The following EVC variants were observed in gnomAD, a reference collection of about 807,000 sequenced individuals.
The protein encoded by EVC is evC complex member EVC.
In EVC, 116 loss-of-function variants were observed where a neutral mutation model predicts 118.9. The ratio of observed to expected loss-of-function variants is 0.98; its 90% confidence interval spans 0.84 to 1.14. The LOEUF is 1.14. EVC is among the 50% of genes most tolerant of loss of function. The pLI, the probability that EVC is intolerant of heterozygous loss-of-function variation, is 0.00. For missense variants in EVC, 1,401 were observed against 1,246.4 expected, an observed-to-expected ratio of 1.12 and a Z score of -1.87; for synonymous variants, 619 against 534.7, an observed-to-expected ratio of 1.16 and a Z score of -2.18.
intron 11 of EVC, among the ~76,000 whole-genome samples, 189 bp from the exon 12 acceptor site, chr4:5,783,363 G>A (rs1735923699): frequency 1.3e-5 from 2 of 148,926 alleles, no homozygotes; most frequent in African/African-American, 4.9e-5. Flanking sequence ...GTGTACAAGT[G>A]TGTGTGCATG....
Position 5,748,319 on chromosome 4 carries a change from G to C in EVC, c.1098+13G>C, listed in dbSNP as rs761463466. The C allele has an allele frequency of 3.7e-6, 6 of 1,613,852 alleles. No homozygotes were observed. In the Admixed American group the frequency reaches 8.3e-5, roughly 22 times the overall value. On this transcript the variant is annotated intron_variant, in intron 8 of 20. Transcript: ENST00000264956. ...GCTGCAGGCTCTGGTAATGCTGGAG[G>C]GGGCGGGAGGGAACATAAAGATATT...
chr4:5,821,071 C>T, the EVC span: 1 of 152,420 alleles, frequency 6.6e-6, no homozygotes, highest in South Asian at 2.1e-4. This position sits in a 1 kb window ranked among gnomAD's most constrained non-coding sequence, Gnocchi z 4.4. Context: ...AGAACACACA[C>T]AGACCAGAAG....
rs747550460 is a variant in EVC at position 5,789,643 on chromosome 4, A to G, written c.1777-3965A>G. Among the ~76,000 whole-genome samples the G allele has an allele frequency of 6.6e-6, 1 of 152,206 alleles. No homozygotes were observed. Among genetic ancestry groups the G allele is most frequent in the Non-Finnish European group, 1.5e-5 (1 of 68,038 alleles). ...AGAGTAAAACTTACTTGAGGCCACA[A>G]AATGACCTGGTAGCAATGACCAGCA... On this transcript the variant is annotated intron_variant, in intron 12 of 20. Coordinates refer to ENST00000264956, the MANE Select transcript of EVC (RefSeq NM_153717.3). This position sits in a 1 kb window ranked among gnomAD's most constrained non-coding sequence, Gnocchi z 4.3.
chr4:5,752,532 C>A (rs3774869), intron 8 of EVC: 173,889 of 473,578 alleles, frequency 0.37, 33,717 homozygotes, highest in East Asian at 0.51. Flanking sequence ...CCTCCTTGAC[C>A]GTTTGTAAAT....
At chr4:5,810,863 A>C (rs1716799614) in intron 20 of EVC, 90 bp from the exon 21 acceptor site, 4 of 1,256,342 alleles carry the variant, frequency 3.2e-6, no homozygotes, top group South Asian at 1.3e-5. Context: ...CTTTGGCTGC[A>C]TTTTCATTTA....
chr4:5,758,145 A>G, intron 11 of EVC: 1 of 701,948 alleles, frequency 1.4e-6, no homozygotes, highest in Non-Finnish European at 2.6e-6. Flanking sequence ...GAGGGACTGG[A>G]GTGATGCAGC....
intron 11 of EVC, chr4:5,758,314 C>A (rs11947544): frequency 1.6e-5 from 9 of 548,094 alleles, no homozygotes; most frequent in Non-Finnish European, 2.9e-5. Context: ...TTAATGCACC[C>A]AGTTTGCGGC....
At chr4:5,740,694 C>G (rs1209059307) in intron 5 of EVC, among the ~76,000 whole-genome samples, 2 of 152,072 alleles carry the variant, frequency 1.3e-5, no homozygotes, top group Admixed American at 6.6e-5. Context: ...CAGATGTCCA[C>G]CAAAGGACTA....
At chr4:5,824,776 C>T in the EVC span, 2 of 983,080 alleles carry the variant, frequency 2.0e-6, no homozygotes, top group Non-Finnish European at 2.4e-6. Flanking sequence ...GGTGTGCAAC[C>T]CATGCAACGC....
chr4:5,790,095 C>A (rs767258680), intron 12 of EVC, among the ~76,000 whole-genome samples: 5 of 149,534 alleles, frequency 3.3e-5, no homozygotes, highest in Non-Finnish European at 7.4e-5. Flanking sequence ...GCAGGAGAAT[C>A]CCTTGAACTC....
chr4:5,714,693 A>G (rs1723656712), intron 1 of EVC, among the ~76,000 whole-genome samples: 1 of 152,202 alleles, frequency 6.6e-6, no homozygotes, highest in Non-Finnish European at 1.5e-5. Flanking sequence ...CAATTCTACA[A>G]ACATTATCTA....
Position 5,810,466 on chromosome 4 carries a change from G to T in EVC, c.2894+16G>T, listed in dbSNP as rs764141260. The T allele has an allele frequency of 1.3e-6, 2 of 1,593,308 alleles. No homozygotes were observed. The highest frequency in any genetic ancestry group is 1.7e-6 in the Non-Finnish European group (2 of 1,167,678). Reference sequence around the variant, plus strand: ...GCTCACTCAGGTATGACTGGGCCCCGGACCTGTTGCCTGTGGCTGGGTTTG... The same window carrying T: ...GCTCACTCAGGTATGACTGGGCCCCTGACCTGTTGCCTGTGGCTGGGTTTG... On this transcript the variant is annotated intron_variant, in intron 20 of 20. Coordinates refer to ENST00000264956, the MANE Select transcript of EVC (RefSeq NM_153717.3).
intron 1 of EVC, among the ~76,000 whole-genome samples, chr4:5,717,749 A>G (rs1204593057): frequency 6.6e-6 from 1 of 152,178 alleles, no homozygotes; most frequent in East Asian, 1.9e-4. Context: ...TCATGGCCTC[A>G]CTTCTTTTAA....
At chr4:5,792,567 A>T (rs1021404875) in intron 12 of EVC, among the ~76,000 whole-genome samples, 1 of 152,238 alleles carries the variant, frequency 6.6e-6, no homozygotes, top group African/African-American at 2.4e-5. Context: ...ACCGTAAGTC[A>T]GGCCGTGAAA....
At chr4:5,718,872 G>C (rs1175407860) in intron 1 of EVC, among the ~76,000 whole-genome samples, 1 of 152,194 alleles carries the variant, frequency 6.6e-6, no homozygotes, top group Admixed American at 6.5e-5. Context: ...TTATATGCAT[G>C]TGCCATTTCT....
intron 1 of EVC, among the ~76,000 whole-genome samples, chr4:5,714,448 A>C (rs1723600601): frequency 6.6e-6 from 1 of 150,826 alleles, no homozygotes. Flanking sequence ...TATTTTGGGA[A>C]TTTACTTCCC....
At chr4:5,775,658 A>T (rs1325212108) in intron 11 of EVC, among the ~76,000 whole-genome samples, 1 of 152,168 alleles carries the variant, frequency 6.6e-6, no homozygotes, top group Non-Finnish European at 1.5e-5. Flanking sequence ...GTATAAATAC[A>T]CTGCCATACA....
chr4:5,722,554 C>G (rs1312706296), intron 2 of EVC, among the ~76,000 whole-genome samples: 1 of 152,110 alleles, frequency 6.6e-6, no homozygotes, highest in Non-Finnish European at 1.5e-5. Flanking sequence ...CCTTGGATGA[C>G]CTCTGTTTAA....
At chr4:5,736,294 C>T (rs1727667777) in intron 5 of EVC, among the ~76,000 whole-genome samples, 1 of 152,138 alleles carries the variant, frequency 6.6e-6, no homozygotes, top group African/African-American at 2.4e-5. Context: ...CACACACACA[C>T]ACACACACAT....
Sources: allele counts gnomAD v4.1 joint callset (sites outside exome capture counted in the v4.1 genomes callset), GRCh38; gene constraint gnomAD v4.1.1; non-coding constraint Gnocchi (gnomAD v3.1); transcripts MANE v1.5; gene names NCBI Gene and HGNC (gene_info 2026-07-23, HGNC 2026-07-21).